UBP1: variants seen among roughly 807,000 people sequenced by gnomAD.
UBP1 encodes the protein upstream binding protein 1, also known as upstream-binding protein 1.
In UBP1, 22 loss-of-function variants were observed where a neutral mutation model predicts 76.1. That is an observed-to-expected ratio of 0.29 (90% CI 0.21 to 0.41). The LOEUF (loss-of-function observed/expected upper bound fraction) is 0.41, where lower values mean the gene tolerates loss of function less well. UBP1 is among the 10% of genes least tolerant of loss of function. The pLI is 1.00. For synonymous variants in UBP1, 224 were observed against 237.1 expected (o/e 0.94, Z 0.51); for missense variants, 436 against 668.1 (o/e 0.65, Z 3.83).
chr3:33,424,899 G>C (rs1326551946), intron 2 of UBP1, among the ~76,000 whole-genome samples: 1 of 152,130 alleles, frequency 6.6e-6, no homozygotes, highest in African/African-American at 2.4e-5. Context: ...CACAAAATTA[G>C]CTGGGTGTGA....
At chr3:33,439,334 C>G (rs562858339) in intron 1 of UBP1, among the ~76,000 whole-genome samples, 1 of 152,356 alleles carries the variant, frequency 6.6e-6, no homozygotes, top group South Asian at 2.1e-4. Context: ...AGGAACTGAT[C>G]CCAAAACGCT....
intron 2 of UBP1, among the ~76,000 whole-genome samples, chr3:33,421,580 A>G (rs76430092): frequency 0.044 from 6,736 of 152,298 alleles, 183 homozygotes; most frequent in Middle Eastern, 0.16. Context: ...TTAAACACAA[A>G]TAAGTTTTTA....
At chr3:33,393,092 G>T (rs986826035) in intron 14 of UBP1, 2 of 483,220 alleles carry the variant, frequency 4.1e-6, no homozygotes, top group Non-Finnish European at 7.0e-6. Context: ...CTAAAGGGCT[G>T]GGGGGAGGCT....
chr3:33,431,291 A>C (rs2045107739), intron 1 of UBP1, among the ~76,000 whole-genome samples: 1 of 152,226 alleles, frequency 6.6e-6, no homozygotes, highest in Non-Finnish European at 1.5e-5. Flanking sequence ...AGAACGGAAT[A>C]GGGGCAAAAA....
intron 15 of UBP1, chr3:33,390,972 A>C (rs1316876001): frequency 2.0e-5 from 3 of 152,518 alleles, no homozygotes; most frequent in African/African-American, 7.2e-5. Flanking sequence ...CTAATACCAA[A>C]AAATGTCTGC....
chr3:33,404,141 G>C (rs556401619), intron 8 of UBP1, among the ~76,000 whole-genome samples: 6 of 152,256 alleles, frequency 3.9e-5, no homozygotes, highest in African/African-American at 1.4e-4. Context: ...GGCCGGGCGC[G>C]GTGGCTCACG....
At chr3:33,392,342 A>T in intron 15 of UBP1, 1 of 459,974 alleles carries the variant, frequency 2.2e-6, no homozygotes, top group Non-Finnish European at 3.8e-6. Context: ...CGTTGGCTGA[A>T]TGAATTGAGA....
intron 2 of UBP1, among the ~76,000 whole-genome samples, chr3:33,417,528 C>T (rs2044760501): frequency 6.6e-6 from 1 of 152,124 alleles, no homozygotes; most frequent in Admixed American, 6.6e-5. Context: ...TGTGTAAAGA[C>T]TAAACCAAAT....
intron 11 of UBP1, among the ~76,000 whole-genome samples, chr3:33,398,756 TAA>T (rs2154055632): frequency 6.6e-6 from 1 of 152,320 alleles, no homozygotes; most frequent in East Asian, 1.9e-4. Context: ...TTGCCTGATG[TAA>T]AAGGAGTAAT....
intron 3 of UBP1, chr3:33,414,314 T>A (rs1053136961): frequency 3.3e-5 from 5 of 151,988 alleles, no homozygotes; most frequent in Non-Finnish European, 5.9e-5. Flanking sequence ...GAAAGGAACT[T>A]CTTATATGAA....
intron 1 of UBP1, among the ~76,000 whole-genome samples, chr3:33,439,410 G>A (rs569379903): frequency 1.3e-5 from 2 of 152,234 alleles, no homozygotes; most frequent in Non-Finnish European, 2.9e-5. Flanking sequence ...AATGGGACTT[G>A]TAAATCACTT....
intron 3 of UBP1, 51 bp from the exon 4 acceptor site, chr3:33,412,878 TG>T: frequency 8.4e-7 from 1 of 1,186,170 alleles, no homozygotes; most frequent in South Asian, 1.2e-5. Flanking sequence ...CCAGCTAAAA[TG>T]CAGGACCATT....
chr3:33,407,092 G>C (rs1289461938), intron 8 of UBP1, among the ~76,000 whole-genome samples: 1 of 152,156 alleles, frequency 6.6e-6, no homozygotes, highest in African/African-American at 2.4e-5. Flanking sequence ...TCCTTTTTAA[G>C]TGACAATCTG....
chr3:33,412,627 C>A (rs183316665), intron 4 of UBP1, 95 bp downstream of exon 4: 2 of 830,224 alleles, frequency 2.4e-6, no homozygotes, highest in Admixed American at 4.5e-5. Flanking sequence ...CCAAAACTTT[C>A]CCCACACAAG....
Position 33,405,501 on chromosome 3 carries a change from A to G in UBP1, c.928-2597T>C, listed in dbSNP as rs182402411. Among the ~76,000 whole-genome samples the G allele has an allele frequency of 7.9e-5, 12 of 152,348 alleles. No homozygotes were observed. The East Asian group carries it at 1.9e-3, about 25-fold the overall frequency. On this transcript the variant is annotated intron_variant, in intron 8 of 15. Transcript: ENST00000283629. ...TTATGATGAAAACTTTCAGATGTCA[A>G]TCTGGAAAGGTGCAAGTATATCCTT...
chr3:33,418,329 C>T (rs1044329019), intron 2 of UBP1, among the ~76,000 whole-genome samples: 1 of 152,070 alleles, frequency 6.6e-6, no homozygotes, highest in Non-Finnish European at 1.5e-5. Context: ...TCTCGGCTCA[C>T]TGCAACCTCC....
At chr3:33,422,464 C>T (rs1411904828) in intron 2 of UBP1, among the ~76,000 whole-genome samples, 3 of 152,078 alleles carry the variant, frequency 2.0e-5, no homozygotes, top group Non-Finnish European at 4.4e-5. Context: ...CGCCTATAAT[C>T]CCAGCACTTT....
At chr3:33,402,656 T>C in intron 9 of UBP1, 145 bp downstream of exon 9, 1 of 513,742 alleles carries the variant, frequency 1.9e-6, no homozygotes, top group African/African-American at 2.0e-5. Context: ...ATGATTGTCC[T>C]CTGCCACCAA....
chr3:33,390,280 C>A lies in UBP1; in HGVS notation c.*51G>T. The A allele has an allele frequency of 6.4e-7, 1 of 1,574,276 alleles. No homozygotes were observed. The highest frequency in any genetic ancestry group is 8.7e-7 in the Non-Finnish European group (1 of 1,147,222). ...ACTTCTTGGATTCAGTCTTCACACA[C>A]TTTTAAGCGTGACTATTTGGTACTG... On this transcript the variant is annotated 3_prime_UTR_variant, in exon 16 of 16. Coordinates refer to ENST00000283629, the MANE Select transcript of UBP1 (RefSeq NM_014517.5).
Sources: gnomAD v4.1 joint callset for allele counts (sites outside exome capture counted in the v4.1 genomes callset) on GRCh38, gnomAD v4.1.1 for gene constraint, MANE v1.5 for transcripts, NCBI Gene and HGNC (gene_info 2026-07-23, HGNC 2026-07-21) for gene names.